ATP8B4: variants seen among roughly 807,000 people sequenced by gnomAD.
ATP8B4 encodes probable phospholipid-transporting ATPase IM.
ATP8B4 carries 133 observed loss-of-function variants against 145.6 expected under a neutral mutation model. That is an observed-to-expected ratio of 0.91 (90% CI 0.79 to 1.05). The LOEUF (loss-of-function observed/expected upper bound fraction) is 1.05. Among genes scored for constraint, ATP8B4 ranks in the 50% least tolerant of loss-of-function variants. ATP8B4 has a pLI of 0.00. For missense variants in ATP8B4, 1,458 were observed against 1,425.2 expected, an observed-to-expected ratio of 1.02 and a Z score of -0.37; for synonymous variants, 507 against 492.9, an observed-to-expected ratio of 1.03 and a Z score of -0.38.
chr15:50,170,433 T>G (rs1226645200), intron 1 of ATP8B4, among the ~76,000 whole-genome samples: 2 of 151,854 alleles, frequency 1.3e-5, no homozygotes, highest in Admixed American at 6.6e-5. Context: ...AGGCATCATA[T>G]ATGAAGGAAA....
At chr15:50,114,128 T>TTTTTTTTTTTTTTTTTTG (rs869306298) in intron 1 of ATP8B4, among the ~76,000 whole-genome samples, 1 of 130,616 alleles carries the variant, frequency 7.7e-6, no homozygotes, top group Non-Finnish European at 1.6e-5. Flanking sequence ...TTTTTTTTTT[T>TTTTTTTTTTTTTTTTTTG]AATTTTCATA....
intron 1 of ATP8B4, among the ~76,000 whole-genome samples, chr15:50,140,777 G>A (rs768824958): frequency 5.5e-4 from 84 of 152,304 alleles, no homozygotes; most frequent in Middle Eastern, 6.8e-3. Context: ...AGAATCAACA[G>A]GAGACCTTTT....
Position 49,898,050 on chromosome 15 carries a change from G to A in ATP8B4, c.2473+18C>T. 6.2e-7 allele frequency: 1 copy of A among 1,613,032 alleles called. No homozygotes were observed. Among genetic ancestry groups the A allele is most frequent in the Non-Finnish European group, 8.5e-7 (1 of 1,179,316 alleles). The stretch of plus-strand genomic sequence containing the variant: ...CCCCATGTATGCAGCATACCCCATT[G>A]AGCAAATATCCTCTTACTTTTAATC... On this transcript the variant is annotated intron_variant, in intron 22 of 27. Coordinates refer to ENST00000284509, the MANE Select transcript of ATP8B4 (RefSeq NM_024837.4).
chr15:49,983,567 C>T (rs746130859), intron 10 of ATP8B4, among the ~76,000 whole-genome samples: 5 of 152,192 alleles, frequency 3.3e-5, no homozygotes, highest in Non-Finnish European at 7.4e-5. Context: ...ACTCTGCCCC[C>T]AAAACTAACC....
At chr15:50,092,538 GAAAC>G (rs1436211109) in intron 2 of ATP8B4, among the ~76,000 whole-genome samples, 1 of 151,818 alleles carries the variant, frequency 6.6e-6, no homozygotes, top group Non-Finnish European at 1.5e-5. Context: ...ATATGTAAAA[GAAAC>G]AAATGAAAAC....
intron 2 of ATP8B4, among the ~76,000 whole-genome samples, chr15:50,075,199 G>A (rs913025064): frequency 6.6e-6 from 1 of 152,044 alleles, no homozygotes; most frequent in African/African-American, 2.4e-5. Context: ...CACGTGTTGG[G>A]GATGGAGGAG....
intron 1 of ATP8B4, among the ~76,000 whole-genome samples, chr15:50,172,267 C>A (rs370924067): frequency 2.6e-5 from 4 of 152,226 alleles, no homozygotes; most frequent in Admixed American, 1.3e-4. Flanking sequence ...CTCAGCCTGC[C>A]GAGTGCCTGG....
chr15:49,862,431 A>T, intron 26 of ATP8B4, 56 bp from the exon 27 acceptor site: 1 of 1,558,338 alleles, frequency 6.4e-7, no homozygotes. Context: ...TGAATTATTA[A>T]TTAATAGGTT....
rs1473715396 is a variant in ATP8B4 at position 49,938,591 on chromosome 15, C to T, written c.1288-4409G>A. On this transcript the variant is annotated intron_variant, in intron 14 of 27. Transcript: ENST00000284509. ...ATTATATATGCAGTCAATATTGGAA[C>T]ACCCATATTCATAAAACAAGTACTT... Among the ~76,000 whole-genome samples the T allele has an allele frequency of 2.5e-4, 38 of 152,116 alleles. 1 individual carries two copies. Among genetic ancestry groups the T allele is most frequent in the Admixed American group, 2.5e-3 (38 of 15,246 alleles).
chr15:49,922,407 T>G (rs1233249174), intron 17 of ATP8B4: 1 of 448,210 alleles, frequency 2.2e-6, no homozygotes, highest in Admixed American at 2.4e-5. Context: ...GCTGGCCTCC[T>G]GGAAAAGATT....
Position 50,097,776 on chromosome 15 carries a change from T to C in ATP8B4, c.28+9163A>G, listed in dbSNP as rs141531083. 9.8e-4 allele frequency among the ~76,000 whole-genome samples: 149 copies of C among 152,314 alleles called. 1 individual carries two copies. Among genetic ancestry groups the C allele is most frequent in the African/African-American group, 3.4e-3 (143 of 41,566 alleles). On this transcript the variant is annotated intron_variant, in intron 2 of 27. Coordinates refer to ENST00000284509, the MANE Select transcript of ATP8B4 (RefSeq NM_024837.4). Reference sequence around the variant, plus strand: ...TGGACAACACTATTTTTGTAAAACTTAGAAATTAGGAGTTTTCAGGAGAAA... The same window carrying C: ...TGGACAACACTATTTTTGTAAAACTCAGAAATTAGGAGTTTTCAGGAGAAA...
intron 6 of ATP8B4, among the ~76,000 whole-genome samples, chr15:50,014,918 C>T (rs2048977219): frequency 2.0e-5 from 3 of 152,254 alleles, no homozygotes; most frequent in South Asian, 4.1e-4. Context: ...CCTACAGGTA[C>T]TCAAATATGA....
chr15:50,112,527 G>A (rs188837675), intron 1 of ATP8B4, among the ~76,000 whole-genome samples: 2 of 152,086 alleles, frequency 1.3e-5, no homozygotes. Context: ...TCCTTTCTCT[G>A]TTCCGTTCGG....
rs777545139 is a variant in ATP8B4 at position 49,931,254 on chromosome 15, C to T, written c.1507G>A (p.Ala503Thr). 18 of 1,612,486 alleles carry T rather than the reference C, an allele frequency of 1.1e-5. No homozygotes were observed. Among genetic ancestry groups the T allele is most frequent in the Middle Eastern group, 1.6e-4 (1 of 6,070 alleles). Reference sequence around the variant, plus strand: ...TTAAAAATGAACCCAAAATTTCTAGCGGCAGTCACTAGAGCCCCTTCATCA... The same window carrying T: ...TTAAAAATGAACCCAAAATTTCTAGTGGCAGTCACTAGAGCCCCTTCATCA... ...SPDEGALVTAARNFGFIFKSR... is the reference protein window; with the variant it reads ...SPDEGALVTATRNFGFIFKSR... The change falls in exon 16 of 28, where the codon GCT becomes ACT. Residue 503 changes from alanine (A) to threonine (T), a missense_variant. Physicochemically the swap from Ala to Thr is moderately conservative, Grantham distance 58. Coordinates refer to ENST00000284509, the MANE Select transcript of ATP8B4 (RefSeq NM_024837.4).
At chr15:49,895,375 G>A (rs1161866756) in intron 23 of ATP8B4, 2 of 152,192 alleles carry the variant, frequency 1.3e-5, no homozygotes, top group Admixed American at 1.3e-4. Context: ...TGATTCCTAT[G>A]CACGCTAAAG....
chr15:50,074,126 C>G lies in ATP8B4; in HGVS notation c.87+1G>C. The G allele has an allele frequency of 1.2e-6, 2 of 1,611,192 alleles. No homozygotes were observed. Among genetic ancestry groups the G allele is most frequent in the Non-Finnish European group, 1.7e-6 (2 of 1,177,674 alleles). On this transcript the variant is annotated splice_donor_variant, in intron 3 of 27. Coordinates refer to ENST00000284509, the MANE Select transcript of ATP8B4 (RefSeq NM_024837.4). LOFTEE classifies it high-confidence loss of function. ...GTATGTGTTATGTGTGTTTCACTTACCGCATACTGGAACTTTTCATTATAT... is the reference window on the plus strand; with the variant it reads ...GTATGTGTTATGTGTGTTTCACTTAGCGCATACTGGAACTTTTCATTATAT...
intron 2 of ATP8B4, among the ~76,000 whole-genome samples, chr15:50,103,399 G>C (rs1291182357): frequency 6.6e-6 from 1 of 152,070 alleles, no homozygotes; most frequent in Non-Finnish European, 1.5e-5. Flanking sequence ...ATCAGTTTCA[G>C]GATACAAAAT....
chr15:50,091,485 C>T (rs916130492), intron 2 of ATP8B4, among the ~76,000 whole-genome samples: 7 of 152,032 alleles, frequency 4.6e-5, no homozygotes, highest in South Asian at 2.1e-4. Flanking sequence ...AATGAAGAAA[C>T]GTAGAGTTAG....
chr15:50,118,169 G>A (rs924238567), intron 1 of ATP8B4, among the ~76,000 whole-genome samples: 2 of 151,766 alleles, frequency 1.3e-5, no homozygotes, highest in East Asian at 1.9e-4. Flanking sequence ...TAAAATAAAC[G>A]ATATAGATAA....
Sources: allele counts gnomAD v4.1 joint callset (sites outside exome capture counted in the v4.1 genomes callset), GRCh38; gene constraint gnomAD v4.1.1; transcripts MANE v1.5; gene names NCBI Gene and HGNC (gene_info 2026-07-23, HGNC 2026-07-21).